SEMA3A: variants seen among roughly 807,000 people sequenced by gnomAD.
SEMA3A encodes semaphorin-3A.
Under a neutral mutation model 97.9 loss-of-function variants are expected in SEMA3A, and 29 were observed. That is an observed-to-expected ratio of 0.30 (90% CI 0.22 to 0.40). SEMA3A has a LOEUF of 0.40. Among genes scored for constraint, SEMA3A ranks in the 10% least tolerant of loss-of-function variants. The pLI, the probability that SEMA3A is intolerant of heterozygous loss-of-function variation, is 1.00. For synonymous variants in SEMA3A, 321 were observed against 323.7 expected (o/e 0.99, Z 0.09); for missense variants, 763 against 951.3 (o/e 0.80, Z 2.60).
chr7:84,205,454 A>G (rs1453877616), intron 3 of SEMA3A, among the ~76,000 whole-genome samples: 7 of 152,234 alleles, frequency 4.6e-5, no homozygotes, highest in Non-Finnish European at 1.5e-5. Context: ...TTATGCAACT[A>G]TCTTTTAACA....
At chr7:84,326,321 G>A (rs1801774859) in intron 2 of SEMA3A, among the ~76,000 whole-genome samples, 1 of 152,042 alleles carries the variant, frequency 6.6e-6, no homozygotes. Context: ...TAATTCTATA[G>A]TATAAAGAGA....
chr7:84,138,216 A>AT (rs148939831), intron 1 of SEMA3A, among the ~76,000 whole-genome samples: 11,656 of 151,014 alleles, frequency 0.077, 548 homozygotes, highest in East Asian at 0.21. Flanking sequence ...AACTATATAT[A>AT]TTTTTTTTCT....
intron 6 of SEMA3A, among the ~76,000 whole-genome samples, chr7:84,044,211 T>C (rs779577952): frequency 6.6e-6 from 1 of 151,876 alleles, no homozygotes; most frequent in Admixed American, 6.6e-5. Context: ...TCTGCACACA[T>C]CCTAGGTCTA....
chr7:84,199,120 A>T (rs942921356), upstream of SEMA3A, among the ~76,000 whole-genome samples: 59 of 152,234 alleles, frequency 3.9e-4, no homozygotes, highest in Non-Finnish European at 6.3e-4. Context: ...ATAGCCGTCT[A>T]AGTACTTTCC....
intron 3 of SEMA3A, among the ~76,000 whole-genome samples, chr7:84,205,124 A>G (rs560171372): frequency 6.6e-6 from 1 of 152,356 alleles, no homozygotes; most frequent in Non-Finnish European, 1.5e-5. Flanking sequence ...GATAAGTGTC[A>G]TAGTTAACTT....
At chr7:84,482,284 A>G (rs1320106791) in intron 1 of SEMA3A, among the ~76,000 whole-genome samples, 1 of 152,164 alleles carries the variant, frequency 6.6e-6, no homozygotes, top group Non-Finnish European at 1.5e-5. Flanking sequence ...ATAATTCTCT[A>G]TCATAAAACA....
chr7:83,991,544 T>G (rs1054436311), intron 12 of SEMA3A, among the ~76,000 whole-genome samples: 19 of 152,014 alleles, frequency 1.2e-4, no homozygotes, highest in African/African-American at 4.1e-4. Context: ...TGTTGAATTT[T>G]GTCAAAGGCT....
chr7:84,078,434 T>C (rs1794029419), intron 4 of SEMA3A, among the ~76,000 whole-genome samples: 1 of 152,126 alleles, frequency 6.6e-6, no homozygotes, highest in Non-Finnish European at 1.5e-5. Flanking sequence ...CTGTAGACAT[T>C]TGAGTTTGCA....
intron 3 of SEMA3A, among the ~76,000 whole-genome samples, chr7:84,212,410 T>C (rs890824376): frequency 6.6e-6 from 1 of 152,206 alleles, no homozygotes; most frequent in Non-Finnish European, 1.5e-5. Flanking sequence ...TACTTCTCCA[T>C]TTCCCCAACA....
chr7:84,147,072 C>T (rs983982481), intron 1 of SEMA3A, among the ~76,000 whole-genome samples: 4 of 152,124 alleles, frequency 2.6e-5, no homozygotes, highest in Non-Finnish European at 5.9e-5. Context: ...CACATGGCTA[C>T]AAGAAAGCAC....
intron 3 of SEMA3A, among the ~76,000 whole-genome samples, chr7:84,127,527 A>G (rs1795835182): frequency 6.6e-6 from 1 of 152,124 alleles, no homozygotes; most frequent in Admixed American, 6.6e-5. Context: ...CTGCCTTACC[A>G]TCTTTAATAC....
At chr7:84,172,436 T>C (rs1019376751) in intron 1 of SEMA3A, among the ~76,000 whole-genome samples, 1 of 152,168 alleles carries the variant, frequency 6.6e-6, no homozygotes, top group African/African-American at 2.4e-5. Context: ...CTTTTTTTCT[T>C]TTTTGAGACA....
At chr7:84,043,647 T>C (rs1792230447) in intron 6 of SEMA3A, among the ~76,000 whole-genome samples, 1 of 152,116 alleles carries the variant, frequency 6.6e-6, no homozygotes, top group South Asian at 2.1e-4. Context: ...TATTCTGTAA[T>C]GGTATTTAAT....
At chr7:84,329,404 T>A in intron 2 of SEMA3A, among the ~76,000 whole-genome samples, 1 of 152,078 alleles carries the variant, frequency 6.6e-6, no homozygotes, top group African/African-American at 2.4e-5. Context: ...TTTATTTTAT[T>A]TTATGTTTTT....
At chr7:84,156,256 A>AT (rs1157762251) in intron 1 of SEMA3A, among the ~76,000 whole-genome samples, 1 of 152,044 alleles carries the variant, frequency 6.6e-6, no homozygotes, top group Non-Finnish European at 1.5e-5. Context: ...AAAGTATAGC[A>AT]TTTTTTGCTT....
intron 4 of SEMA3A, among the ~76,000 whole-genome samples, chr7:84,104,434 G>T (rs927795681): frequency 6.6e-6 from 1 of 152,194 alleles, no homozygotes; most frequent in African/African-American, 2.4e-5. Flanking sequence ...GGGAAAAAAA[G>T]CTGTCAAGTA....
At chr7:84,142,975 CTT>C (rs1796339433) in intron 1 of SEMA3A, among the ~76,000 whole-genome samples, 1 of 125,890 alleles carries the variant, frequency 7.9e-6, no homozygotes, top group African/African-American at 4.2e-5. Flanking sequence ...AAGCCAGACC[CTT>C]CTTCATCATT....
At chr7:83,996,855 G>A (rs527274502) in intron 12 of SEMA3A, among the ~76,000 whole-genome samples, 3 of 152,012 alleles carry the variant, frequency 2.0e-5, no homozygotes, top group Non-Finnish European at 4.4e-5. Context: ...CTGTACCAAT[G>A]CCAGTTTTAT....
chr7:84,490,737 T>A (rs1472085779), intron 1 of SEMA3A, among the ~76,000 whole-genome samples: 1 of 152,192 alleles, frequency 6.6e-6, no homozygotes, highest in Non-Finnish European at 1.5e-5. Flanking sequence ...CAAATCTAAA[T>A]GCCATGCTGA....
Sources: allele counts gnomAD v4.1 joint callset (sites outside exome capture counted in the v4.1 genomes callset), GRCh38; gene constraint gnomAD v4.1.1; transcripts MANE v1.5; gene names NCBI Gene and HGNC (gene_info 2026-07-23, HGNC 2026-07-21).